Variants in SH3PXD2A observed in about 807,000 individuals in gnomAD.
The protein encoded by SH3PXD2A is SH3 and PX domains 2A.
Under a neutral mutation model 115.2 loss-of-function variants are expected in SH3PXD2A, and 32 were observed. That is an observed-to-expected ratio of 0.28 (90% confidence interval 0.21 to 0.37). The LOEUF (loss-of-function observed/expected upper bound fraction) is 0.37, where lower values mean the gene tolerates loss of function less well. SH3PXD2A is among the 10% of genes least tolerant of loss of function. The pLI, the probability that SH3PXD2A is intolerant of heterozygous loss-of-function variation, is 1.00. For missense variants in SH3PXD2A, 1,328 were observed against 1,498.7 expected (o/e 0.89, Z 1.88); for synonymous variants, 610 against 629.1 (o/e 0.97, Z 0.45).
At chr10:103,690,831 C>T (rs2037740806) in intron 6 of SH3PXD2A, among the ~76,000 whole-genome samples, 1 of 152,186 alleles carries the variant, frequency 6.6e-6, no homozygotes, top group Non-Finnish European at 1.5e-5. Context: ...CCCAAGGTCA[C>T]AGAGGAGAGA....
rs117123653 is a variant in SH3PXD2A at position 103,760,074 on chromosome 10, C to T, written c.229+7020G>A. ...AGGTAGTGCCTTGCTCTGGGGCATACGGCAGGTTTGCATATAGTCTTGGAC... is the reference window on the plus strand; with the variant it reads ...AGGTAGTGCCTTGCTCTGGGGCATATGGCAGGTTTGCATATAGTCTTGGAC... On this transcript the variant is annotated intron_variant, in intron 3 of 14. Transcript: ENST00000369774. Among the ~76,000 whole-genome samples, 73 of 152,286 alleles carry T rather than the reference C, an allele frequency of 4.8e-4. 2 individuals are homozygous for T. In the East Asian group the frequency reaches 0.013, roughly 27 times the overall value.
chr10:103,650,054 G>A (rs1430259165), intron 8 of SH3PXD2A, among the ~76,000 whole-genome samples: 1 of 152,238 alleles, frequency 6.6e-6, no homozygotes, highest in African/African-American at 2.4e-5. Flanking sequence ...GGGGAGAGGA[G>A]AGGGGAGTTA....
At chr10:103,702,574 C>T (rs960349124) in intron 5 of SH3PXD2A, among the ~76,000 whole-genome samples, 1 of 71,190 alleles carries the variant, frequency 1.4e-5, no homozygotes, top group African/African-American at 5.8e-5. Context: ...GGGGCAGGAA[C>T]AGATGTAAGC....
Position 103,601,441 on chromosome 10 carries a change from A to T in SH3PXD2A, c.*375T>A, listed in dbSNP as rs566645969. 5.6e-5 allele frequency: 10 copies of T among 177,184 alleles called. No individual in the cohort carries two copies. Among genetic ancestry groups the T allele is most frequent in the Non-Finnish European group, 1.2e-4 (10 of 83,268 alleles). 11.0% of individuals were successfully genotyped at this position (177,184 alleles called of 1,614,324 possible). On this transcript the variant is annotated 3_prime_UTR_variant, in exon 15 of 15. Coordinates refer to ENST00000369774, the MANE Select transcript of SH3PXD2A (RefSeq NM_001394015.1). ...GGGCAGGACACTGGAGGCCCCCATGACCTTGTCTTTTCCAGATCTGTAGCA... is the reference window on the plus strand; with the variant it reads ...GGGCAGGACACTGGAGGCCCCCATGTCCTTGTCTTTTCCAGATCTGTAGCA...
chr10:103,778,162 T>C (rs1420274966), intron 2 of SH3PXD2A, among the ~76,000 whole-genome samples: 1 of 151,822 alleles, frequency 6.6e-6, no homozygotes, highest in Non-Finnish European at 1.5e-5. Flanking sequence ...ACCCCGTCTC[T>C]ACTAAAAATT....
chr10:103,616,071 A>T (rs1337854086), intron 11 of SH3PXD2A, among the ~76,000 whole-genome samples: 2 of 151,970 alleles, frequency 1.3e-5, no homozygotes, highest in Non-Finnish European at 2.9e-5. Flanking sequence ...GGTGCGTGCC[A>T]TGGAGCCATG....
At chr10:103,832,897 GA>G (rs80183061) in intron 1 of SH3PXD2A, among the ~76,000 whole-genome samples, 4 of 150,516 alleles carry the variant, frequency 2.7e-5, no homozygotes, top group South Asian at 4.2e-4. Flanking sequence ...ATAATAAAAA[GA>G]AAAAAAAATA....
chr10:103,676,407 C>T (rs1031898944), intron 6 of SH3PXD2A, among the ~76,000 whole-genome samples: 1 of 152,182 alleles, frequency 6.6e-6, no homozygotes, highest in Non-Finnish European at 1.5e-5. Context: ...CCTCCACAGC[C>T]CCTTAGGGAC....
rs978210929 is a variant in SH3PXD2A, at chr10:103,665,701, G to A, written c.472+2907C>T. ...CTTGCAGGCCAGGCAGGCAGTGGGC[G>A]GTGATGTCATCCCACAGAGGCCACT... is the stretch of plus-strand genomic sequence containing the variant. On this transcript the variant is annotated intron_variant, in intron 7 of 14. Transcript: ENST00000369774. The surrounding 1 kb of genome is among the most constrained non-coding windows in gnomAD (Gnocchi z 4.0). 1.3e-5 allele frequency among the ~76,000 whole-genome samples: 2 copies of A among 152,184 alleles called. No homozygotes were observed. The highest frequency in any genetic ancestry group is 2.9e-5 in the Non-Finnish European group (2 of 68,030).
intron 2 of SH3PXD2A, among the ~76,000 whole-genome samples, chr10:103,768,201 C>T (rs2038779687): frequency 6.6e-6 from 1 of 152,226 alleles, no homozygotes; most frequent in African/African-American, 2.4e-5. Context: ...GGGAGACAAA[C>T]AGCAAACAAG....
intron 4 of SH3PXD2A, among the ~76,000 whole-genome samples, chr10:103,734,137 C>T (rs982462160): frequency 1.3e-5 from 2 of 152,158 alleles, no homozygotes; most frequent in East Asian, 3.9e-4. Flanking sequence ...CCCAAGGTCA[C>T]GTAGCTAGTA....
At chr10:103,813,314 C>G (rs1204404684) in intron 1 of SH3PXD2A, among the ~76,000 whole-genome samples, 1 of 152,022 alleles carries the variant, frequency 6.6e-6, no homozygotes, top group Non-Finnish European at 1.5e-5. Flanking sequence ...TTATAGATTT[C>G]TTTTTTTCTT....
In SH3PXD2A at chr10:103,816,881, A is replaced by G. The variant is rs192677970; in HGVS notation, c.73-15519T>C. On this transcript the variant is annotated intron_variant, in intron 1 of 14. Transcript: ENST00000369774. Reference sequence around the variant, plus strand: ...GAGACAGAGTCTTGCTCTGTCGTCCAGGCTGGAGTACAGTGGTGCCATTAC... The same window carrying G: ...GAGACAGAGTCTTGCTCTGTCGTCCGGGCTGGAGTACAGTGGTGCCATTAC... 5.9e-5 allele frequency among the ~76,000 whole-genome samples: 9 copies of G among 152,220 alleles called. No individual in the cohort carries two copies. The East Asian group carries it at 1.5e-3, about 26-fold the overall frequency.
chr10:103,706,160 T>C (rs528876123), intron 5 of SH3PXD2A, among the ~76,000 whole-genome samples: 1 of 152,190 alleles, frequency 6.6e-6, no homozygotes, highest in African/African-American at 2.4e-5. Context: ...TGTCACAGCG[T>C]CCATGACCAC....
intron 1 of SH3PXD2A, among the ~76,000 whole-genome samples, chr10:103,846,077 C>T (rs189543026): frequency 3.5e-4 from 53 of 152,352 alleles, no homozygotes; most frequent in African/African-American, 1.2e-3. Flanking sequence ...TTGTCCCACC[C>T]GCCCCACTGC....
chr10:103,617,326 A>G lies in SH3PXD2A; in HGVS notation c.803-12T>C. 6.4e-7 allele frequency: 1 copy of G among 1,569,460 alleles called. No homozygotes were observed. Among genetic ancestry groups the G allele is most frequent in the South Asian group, 1.1e-5 (1 of 90,112 alleles). ...GACATACTTCTCCTCTGGGGGTGGG[A>G]GCAAGCAAGCAAGATTATTTGAGGT... On this transcript the variant is annotated splice_polypyrimidine_tract_variant and intron_variant, in intron 10 of 14. Coordinates refer to ENST00000369774, the MANE Select transcript of SH3PXD2A (RefSeq NM_001394015.1).
rs2036175036 is a variant in SH3PXD2A, at chr10:103,598,873, CAGGGTTTGT to C, written c.*2934_*2942del. 1 of 152,532 alleles carries C rather than the reference CAGGGTTTGT, an allele frequency of 6.6e-6. No homozygotes were observed. Among genetic ancestry groups the C allele is most frequent in the Non-Finnish European group, 1.5e-5 (1 of 68,036 alleles). The allele number at this position is 152,532 out of a possible 1,614,324, so 9.4% of individuals were successfully genotyped here. On this transcript the variant is annotated 3_prime_UTR_variant, in exon 15 of 15. Transcript: ENST00000369774. ...AGTATTAATATTCTCTTTGGGTTTG[CAGGGTTTGT>C]GCTGTGAGTTAGGGGGTGAGGGGGC...
chr10:103,802,363 C>G lies in SH3PXD2A; in HGVS notation c.73-1001G>C, dbSNP rs117844632. On this transcript the variant is annotated intron_variant, in intron 1 of 14. Transcript: ENST00000369774. ...CGGATTTGAAGAAGAGGCGTTAGCA[C>G]GTGGGAGACTGGAAAAACTTTTCTC... Among the ~76,000 whole-genome samples, 47 of 152,312 alleles carry G rather than the reference C, an allele frequency of 3.1e-4. No homozygotes were observed. In the East Asian group the frequency reaches 9.1e-3, roughly 29 times the overall value.
At chr10:103,663,467 C>T (rs539251284) in intron 7 of SH3PXD2A, among the ~76,000 whole-genome samples, 2 of 152,376 alleles carry the variant, frequency 1.3e-5, no homozygotes, top group South Asian at 4.1e-4. Context: ...GAATAACTGC[C>T]TCTGATTTGT....
Sources: gnomAD v4.1 joint callset for allele counts (sites outside exome capture counted in the v4.1 genomes callset) on GRCh38, gnomAD v4.1.1 for gene constraint, Gnocchi (gnomAD v3.1) non-coding constraint, MANE v1.5 for transcripts, NCBI Gene and HGNC (gene_info 2026-07-23, HGNC 2026-07-21) for gene names.